ZBTB8B: variants seen among roughly 807,000 people sequenced by gnomAD.
The protein encoded by ZBTB8B is zinc finger and BTB domain-containing protein 8B.
A neutral mutation model predicts 30.3 loss-of-function variants in ZBTB8B; 17 were observed. That is an observed-to-expected ratio of 0.56 (90% confidence interval 0.38 to 0.84). The LOEUF is 0.84. Ranked by LOEUF, ZBTB8B falls within the 40% of genes least tolerant of loss-of-function variation. The pLI, the probability that ZBTB8B is intolerant of heterozygous loss-of-function variation, is 0.00. For synonymous variants in ZBTB8B, 248 were observed against 255.6 expected, an observed-to-expected ratio of 0.97 and a Z score of 0.28; for missense variants, 515 against 644.9, an observed-to-expected ratio of 0.80 and a Z score of 2.18.
rs1643758894 is a variant in ZBTB8B, at chr1:32,488,259, T to A, written c.*2841T>A. On this transcript the variant is annotated 3_prime_UTR_variant, in exon 4 of 4. Coordinates refer to ENST00000609129, the MANE Select transcript of ZBTB8B (RefSeq NM_001145720.2). ...TCCAAAAATGTATACATATATTTGC[T>A]GTTATTTTAAAAGAGGGATCTCAGC... 6.6e-6 allele frequency: 1 copy of A among 152,194 alleles called. No individual in the cohort carries two copies. The highest frequency in any genetic ancestry group is 1.5e-5 in the Non-Finnish European group (1 of 68,014). The allele number at this position is 152,194 out of a possible 1,614,324, so 9.4% of individuals were successfully genotyped here. A position where few individuals can be genotyped will look rare whatever the true frequency, so the allele number is the denominator to read the frequency against.
chr1:32,476,532 C>A (rs1643666433), intron 2 of ZBTB8B, among the ~76,000 whole-genome samples: 2 of 151,786 alleles, frequency 1.3e-5, no homozygotes, highest in African/African-American at 2.4e-5. Flanking sequence ...GGACTTCCTG[C>A]CTTTAATATT....
intron 2 of ZBTB8B, among the ~76,000 whole-genome samples, chr1:32,475,666 T>TA (rs1643659927): frequency 1.3e-5 from 2 of 152,018 alleles, no homozygotes; most frequent in African/African-American, 4.8e-5. Flanking sequence ...CACTCAGAGG[T>TA]ATGAGTTCAT....
In ZBTB8B at chr1:32,484,967, C is replaced by G. The variant is rs931319282; in HGVS notation, c.1171-134C>G. On this transcript the variant is annotated intron_variant, in intron 3 of 3. Coordinates refer to ENST00000609129, the MANE Select transcript of ZBTB8B (RefSeq NM_001145720.2). This position sits in a 1 kb window ranked among gnomAD's most constrained non-coding sequence, Gnocchi z 4.5. ...GTGCAAGAACAGACTAATACAAAGA[C>G]TGTGGCAGAGAATGCAGGTGGAGTG... The G allele has an allele frequency of 5.3e-6, 4 of 757,256 alleles. No homozygotes were observed. The African/African-American group carries it at 7.0e-5, about 13-fold the overall frequency. The allele number at this position is 757,256 out of a possible 1,614,324, so 46.9% of individuals were successfully genotyped here. A position where few individuals can be genotyped will look rare whatever the true frequency, so the allele number is the denominator to read the frequency against.
At position 32,493,080 on chromosome 1, in the gene ZBTB8B, T is replaced by C. The variant is rs536152968; in HGVS notation, c.*7662T>C. ...TTAAATTATGTGTTTTATTCAGTTA[T>C]GCAAAAATATATACTATACATAGAA... On this transcript the variant is annotated 3_prime_UTR_variant, in exon 4 of 4. Coordinates refer to ENST00000609129, the MANE Select transcript of ZBTB8B (RefSeq NM_001145720.2). 6.6e-6 allele frequency: 1 copy of C among 152,346 alleles called. No individual in the cohort carries two copies. The highest frequency in any genetic ancestry group is 1.5e-5 in the Non-Finnish European group (1 of 68,028). The allele number at this position is 152,346 out of a possible 1,614,324, so 9.4% of individuals were successfully genotyped here.
rs60700558 is a variant in ZBTB8B, at chr1:32,470,499, CAAAAAAAAAAA to C, written c.-41-68_-41-58del. On this transcript the variant is annotated intron_variant, in intron 1 of 3. Transcript: ENST00000609129. Reference sequence around the variant, plus strand: ...TGGGCAACAGAGCAAGACGCTGACTCAAAAAAAAAAAAAAAAAAAAAAAAAAAGAAATCTTG... The same window carrying C: ...TGGGCAACAGAGCAAGACGCTGACTCAAAAAAAAAAAAAAAAGAAATCTTG... 3.5e-4 allele frequency: 127 copies of C among 359,154 alleles called. No individual in the cohort carries two copies. The African/African-American group carries it at 4.2e-3, about 12-fold the overall frequency. 22.2% of individuals were successfully genotyped at this position (359,154 alleles called of 1,614,324 possible).
rs1219270006 is a variant in ZBTB8B, at chr1:32,488,932, G to A, written c.*3514G>A. ...CTGTCTCAGCCTCTTGAGTAGTTGG[G>A]ATTATAGGCACGCGCCACCACGCCT... On this transcript the variant is annotated 3_prime_UTR_variant, in exon 4 of 4. Transcript: ENST00000609129. 6.6e-6 allele frequency: 1 copy of A among 152,142 alleles called. No individual in the cohort carries two copies. The allele number at this position is 152,142 out of a possible 1,614,324, so 9.4% of individuals were successfully genotyped here. A position where few individuals can be genotyped will look rare whatever the true frequency, so the allele number is the denominator to read the frequency against.
At position 32,473,178 on chromosome 1, in the gene ZBTB8B, C is replaced by T. The variant is rs751996109; in HGVS notation, c.991+1563C>T. ...AGCCAAGGCTGGGCGCGGCGGCACG[C>T]GCCTGTAATCCCAGTTACTCAGGAG... On this transcript the variant is annotated intron_variant, in intron 2 of 3. Transcript: ENST00000609129. 3.3e-5 allele frequency among the ~76,000 whole-genome samples: 5 copies of T among 152,118 alleles called. No individual in the cohort carries two copies. In the East Asian group the frequency reaches 5.8e-4, roughly 18 times the overall value.
rs1643619092 is a variant in ZBTB8B at position 32,471,349 on chromosome 1, T to C, written c.725T>C (p.Val242Ala). Reference sequence around the variant, plus strand: ...GATGCTGATGAAGTGGAGGTGGACGTTGGTGAACAGCTGCAGCAGTATGCT... The same window carrying C: ...GATGCTGATGAAGTGGAGGTGGACGCTGGTGAACAGCTGCAGCAGTATGCT... The part of the protein sequence containing the change: ...EFDADEVEVD[V>A]GEQLQQYAAP... Residue 242 changes from valine (V) to alanine (A), a missense_variant, in exon 2 of 4, where the codon GTT (valine) becomes GCT (alanine). Physicochemically the swap from Val to Ala is moderately conservative, Grantham distance 64. Around this residue, in one of 3 missense-constraint regions of ZBTB8B, gnomAD observed 429 missense variants for 504.3 expected, o/e 0.85. Coordinates refer to ENST00000609129, the MANE Select transcript of ZBTB8B (RefSeq NM_001145720.2). The C allele has an allele frequency of 6.4e-6, 10 of 1,551,768 alleles. No homozygotes were observed. The highest frequency in any genetic ancestry group is 8.7e-6 in the Non-Finnish European group (10 of 1,147,010).
rs1471863547 is a variant in ZBTB8B, at chr1:32,490,128, G to A, written c.*4710G>A. 1 of 152,166 alleles carries A rather than the reference G, an allele frequency of 6.6e-6. No individual in the cohort carries two copies. Among genetic ancestry groups the A allele is most frequent in the Non-Finnish European group, 1.5e-5 (1 of 68,044 alleles). The allele number at this position is 152,166 out of a possible 1,614,324, so 9.4% of individuals were successfully genotyped here. ...GCCTTTGGTTAACTGAACTCAGACT[G>A]TTTTATTTGGAACTCTAGATTTTTC... On this transcript the variant is annotated 3_prime_UTR_variant, in exon 4 of 4. Coordinates refer to ENST00000609129, the MANE Select transcript of ZBTB8B (RefSeq NM_001145720.2).
rs1383905672 is a variant in ZBTB8B, at chr1:32,481,035, C to T, written c.1136C>T (p.Thr379Ile). 6 of 1,552,000 alleles carry T rather than the reference C, an allele frequency of 3.9e-6. No individual in the cohort carries two copies. The Admixed American group carries it at 9.8e-5, about 25-fold the overall frequency. The change falls in exon 3 of 4, where the codon ACT becomes ATT. Residue 379 changes from threonine (T) to isoleucine (I), a missense_variant. Around this residue, in one of 3 missense-constraint regions of ZBTB8B, gnomAD observed 429 missense variants for 504.3 expected, o/e 0.85. Transcript: ENST00000609129. ...TGTGAGACCTGCGGCAAGAGGTTCA[C>T]TCGACAAGAGCACCTGCGGAGCCAC... is the stretch of plus-strand genomic sequence containing the variant. ...YPCETCGKRF[T>I]RQEHLRSHAL... is the part of the protein sequence containing the mutation.
At chr1:32,471,705 C>T in intron 2 of ZBTB8B, 90 bp downstream of exon 2, 1 of 1,377,506 alleles carries the variant, frequency 7.3e-7, no homozygotes, top group East Asian at 2.5e-5. Context: ...ATCATTATCA[C>T]CATCATCATT....
chr1:32,492,751 G>A lies in ZBTB8B; in HGVS notation c.*7333G>A, dbSNP rs1163806448. Reference sequence around the variant, plus strand: ...GGAGTCTTTACTGTATGTCAAGCACGAAGGGTACTTCAGTGAACCAGCACC... The same window carrying A: ...GGAGTCTTTACTGTATGTCAAGCACAAAGGGTACTTCAGTGAACCAGCACC... On this transcript the variant is annotated 3_prime_UTR_variant, in exon 4 of 4. Coordinates refer to ENST00000609129, the MANE Select transcript of ZBTB8B (RefSeq NM_001145720.2). 2 of 152,146 alleles carry A rather than the reference G, an allele frequency of 1.3e-5. No individual in the cohort carries two copies. The highest frequency in any genetic ancestry group is 1.3e-4 in the Admixed American group (2 of 15,260). 9.4% of individuals were successfully genotyped at this position (152,146 alleles called of 1,614,324 possible). A position where few individuals can be genotyped will look rare whatever the true frequency, so the allele number is the denominator to read the frequency against.
intron 1 of ZBTB8B, among the ~76,000 whole-genome samples, chr1:32,467,965 A>T (rs1643585406): frequency 6.6e-6 from 1 of 151,834 alleles, no homozygotes; most frequent in Non-Finnish European, 1.5e-5. Context: ...GTACAAAAAA[A>T]ATTAGCCTGG....
chr1:32,481,617 G>T (rs1314106998), intron 3 of ZBTB8B, among the ~76,000 whole-genome samples: 1 of 152,200 alleles, frequency 6.6e-6, no homozygotes, highest in East Asian at 1.9e-4. Context: ...CACTTAGAAA[G>T]ATGTTATATT....
intron 1 of ZBTB8B, among the ~76,000 whole-genome samples, chr1:32,466,367 T>A (rs1643570276): frequency 6.6e-6 from 1 of 152,160 alleles, no homozygotes; most frequent in Non-Finnish European, 1.5e-5. Context: ...GCATCTTCCT[T>A]GTGTCAGGCA....
intron 1 of ZBTB8B, among the ~76,000 whole-genome samples, chr1:32,466,925 C>T (rs1200822595): frequency 6.6e-6 from 1 of 152,150 alleles, no homozygotes; most frequent in Non-Finnish European, 1.5e-5. Context: ...AGAAGGATCA[C>T]TTGAGTCCAG....
At position 32,471,317 on chromosome 1, in the gene ZBTB8B, G is replaced by A. The variant is rs2148181039; in HGVS notation, c.693G>A (p.Val231=). The A allele has an allele frequency of 6.4e-7, 1 of 1,551,812 alleles. No homozygotes were observed. The highest frequency in any genetic ancestry group is 8.7e-7 in the Non-Finnish European group (1 of 1,147,020). ...STPPKRIEPK[V]EFDADEVEVD... is the part of the protein sequence containing the mutation. ...CACCCAAACGGATAGAGCCCAAGGT[G>A]GAATTTGATGCTGATGAAGTGGAGG... Residue 231 remains valine, a synonymous_variant, in exon 2 of 4, where the codon GTG becomes GTA. Coordinates refer to ENST00000609129, the MANE Select transcript of ZBTB8B (RefSeq NM_001145720.2).
intron 2 of ZBTB8B, 85 bp from the exon 3 acceptor site, chr1:32,480,806 C>T: frequency 1.3e-5 from 17 of 1,340,408 alleles, no homozygotes; most frequent in Non-Finnish European, 1.7e-5. Context: ...GTGGAATTCC[C>T]CAGCTCTGGA....
rs1212889837 is a variant in ZBTB8B, at chr1:32,491,497, C to T, written c.*6079C>T. 1.3e-5 allele frequency: 2 copies of T among 152,182 alleles called. No homozygotes were observed. The highest frequency in any genetic ancestry group is 3.8e-4 in the East Asian group (2 of 5,202). The allele number at this position is 152,182 out of a possible 1,614,324, so 9.4% of individuals were successfully genotyped here. On this transcript the variant is annotated 3_prime_UTR_variant, in exon 4 of 4. Coordinates refer to ENST00000609129, the MANE Select transcript of ZBTB8B (RefSeq NM_001145720.2). The stretch of plus-strand genomic sequence containing the variant: ...AGCACTGCTTACTAGCAAGGCAGAA[C>T]CAGTTGCTCTTCTCTGAAAGTCTCT...
Sources: gnomAD v4.1 joint callset for allele counts (sites outside exome capture counted in the v4.1 genomes callset) on GRCh38, gnomAD v4.1.1 for gene constraint, gnomAD v4.1.1 regional missense constraint, Gnocchi (gnomAD v3.1) non-coding constraint, MANE v1.5 for transcripts, NCBI Gene and HGNC (gene_info 2026-07-23, HGNC 2026-07-21) for gene names.